Variants in CREB5 observed in about 807,000 individuals in gnomAD.
CREB5 encodes the protein cyclic AMP-responsive element-binding protein 5.
Under a neutral mutation model 57.1 loss-of-function variants are expected in CREB5, and 19 were observed. That is an observed-to-expected ratio of 0.33 (90% CI 0.23 to 0.49). The LOEUF is 0.49. Ranked by LOEUF, CREB5 falls within the 20% of genes least tolerant of loss-of-function variation. The pLI, the probability that CREB5 is intolerant of heterozygous loss-of-function variation, is 0.99. For missense variants in CREB5, 579 were observed against 671.6 expected (o/e 0.86, Z 1.52); for synonymous variants, 238 against 238.3 (o/e 1.00, Z 0.01).
intron 5 of CREB5, among the ~76,000 whole-genome samples, chr7:28,626,491 A>C (rs1010471771): frequency 6.6e-6 from 1 of 152,172 alleles, no homozygotes. Flanking sequence ...TGAGAGGTTA[A>C]GTAACCTGCC....
At position 28,660,381 on chromosome 7, in the gene CREB5, G is replaced by GTTTTTTTT. The variant is rs10696255; in HGVS notation, c.465-58359_465-58352dup. ...CAAACTATCATCTATGCATTCAACA[G>GTTTTTTTT]TTTTTTTTTTTTTTTTTTTTGAGCA... On this transcript the variant is annotated intron_variant, in intron 5 of 10. Transcript: ENST00000357727. 2.4e-4 allele frequency among the ~76,000 whole-genome samples: 29 copies of GTTTTTTTT among 119,246 alleles called. 1 individual carries two copies. The highest frequency in any genetic ancestry group is 9.6e-4 in the African/African-American group (29 of 30,366). The allele number at this position is 119,246 out of a possible 152,430, so 78.2% of individuals were successfully genotyped here. A position where few individuals can be genotyped will look rare whatever the true frequency, so the allele number is the denominator to read the frequency against.
chr7:28,778,954 A>T (rs1317558647), intron 7 of CREB5: 1 of 152,220 alleles, frequency 6.6e-6, no homozygotes, highest in Non-Finnish European at 1.5e-5. Context: ...GTTGTTGTGA[A>T]ATACCCGCCA....
In CREB5 at chr7:28,721,874, C is replaced by G. The variant is rs537132858; in HGVS notation, c.592-2348C>G. Among the ~76,000 whole-genome samples, 18 of 152,334 alleles carry G rather than the reference C, an allele frequency of 1.2e-4. 1 individual carries two copies. In the South Asian group the frequency reaches 3.7e-3, roughly 32 times the overall value. On this transcript the variant is annotated intron_variant, in intron 6 of 10. Coordinates refer to ENST00000357727, the MANE Select transcript of CREB5 (RefSeq NM_182898.4). ...AAAACCTCACTGAACTACAGACAGG[C>G]TAGCTCCTGTTTTCCAGTGTGTGCA...
intron 5 of CREB5, among the ~76,000 whole-genome samples, chr7:28,659,264 A>G (rs2128712061): frequency 6.6e-6 from 1 of 152,208 alleles, no homozygotes; most frequent in South Asian, 2.1e-4. Context: ...TTCCTGTGGC[A>G]CTTCAGAAGA....
Position 28,819,319 on chromosome 7 carries a change from G to A in CREB5, c.*40G>A, listed in dbSNP as rs371474246. On this transcript the variant is annotated 3_prime_UTR_variant, in exon 11 of 11. Coordinates refer to ENST00000357727, the MANE Select transcript of CREB5 (RefSeq NM_182898.4). ...CCTGGCCTCCAAGAAGAGCTGTAGC[G>A]TACCATGCGTCCTTTCTTTTAAGGG... 8.6e-5 allele frequency: 136 copies of A among 1,583,070 alleles called. No individual in the cohort carries two copies. The highest frequency in any genetic ancestry group is 1.1e-4 in the Non-Finnish European group (129 of 1,164,994).
chr7:28,582,862 CTG>C (rs1229326291), intron 5 of CREB5, among the ~76,000 whole-genome samples: 1 of 152,070 alleles, frequency 6.6e-6, no homozygotes, highest in African/African-American at 2.4e-5. Context: ...TCTTGGGAAA[CTG>C]TTTAAATTTC....
intron 1 of CREB5, among the ~76,000 whole-genome samples, chr7:28,421,850 T>G (rs1182848308): frequency 4.0e-5 from 1 of 25,058 alleles, no homozygotes; most frequent in African/African-American, 2.6e-4. Flanking sequence ...ACACACACTC[T>G]CTCTCTCTAT....
At chr7:28,736,090 C>A (rs559461547) in intron 7 of CREB5, among the ~76,000 whole-genome samples, 3 of 152,280 alleles carry the variant, frequency 2.0e-5, no homozygotes, top group African/African-American at 7.2e-5. Flanking sequence ...TGAGCCCCAA[C>A]ACCTGGCCCC....
At chr7:28,344,324 C>T (rs1008906278) in intron 1 of CREB5, among the ~76,000 whole-genome samples, 1 of 152,074 alleles carries the variant, frequency 6.6e-6, no homozygotes, top group Non-Finnish European at 1.5e-5. Flanking sequence ...TTGATTTTTA[C>T]ATATGATGAG....
intron 1 of CREB5, among the ~76,000 whole-genome samples, chr7:28,367,892 C>T (rs924283711): frequency 4.6e-5 from 7 of 152,134 alleles, no homozygotes; most frequent in Non-Finnish European, 7.4e-5. Flanking sequence ...CACTTCTCTT[C>T]GTCACCTTCC....
At chr7:28,567,961 T>C (rs1393663712) in intron 4 of CREB5, among the ~76,000 whole-genome samples, 1 of 152,120 alleles carries the variant, frequency 6.6e-6, no homozygotes, top group Non-Finnish European at 1.5e-5. Context: ...TCACAAATGC[T>C]GTGTGTAATG....
chr7:28,510,844 TTGTTTCCCCTTAGAAAAGCA>T (rs1489445157), intron 4 of CREB5, among the ~76,000 whole-genome samples: 2 of 152,342 alleles, frequency 1.3e-5, no homozygotes, highest in African/African-American at 4.8e-5. Context: ...AATAAGAGAA[TTGTTTCCCCTTAGAAAAGCA>T]TGTTGTAATT....
chr7:28,309,869 A>G (rs1388814191), intron 1 of CREB5, among the ~76,000 whole-genome samples: 1 of 152,102 alleles, frequency 6.6e-6, no homozygotes. Context: ...CACACCTGAC[A>G]TGAGATCATT....
chr7:28,326,885 G>A (rs534899638), intron 1 of CREB5, among the ~76,000 whole-genome samples: 1 of 152,170 alleles, frequency 6.6e-6, no homozygotes, highest in Non-Finnish European at 1.5e-5. Flanking sequence ...GCTCATGCCT[G>A]TAATCCCAGC....
At chr7:28,567,948 A>G (rs768660118) in intron 4 of CREB5, among the ~76,000 whole-genome samples, 18 of 152,276 alleles carry the variant, frequency 1.2e-4, no homozygotes, top group Non-Finnish European at 2.4e-4. Context: ...TGGGAGGGGA[A>G]CCTCACAAAT....
chr7:28,343,549 A>G (rs1785977139), intron 1 of CREB5, among the ~76,000 whole-genome samples: 1 of 150,934 alleles, frequency 6.6e-6, no homozygotes, highest in African/African-American at 2.5e-5. Flanking sequence ...TTAATGGCCA[A>G]ATCATATTCC....
At chr7:28,746,196 A>G (rs1804672712) in intron 7 of CREB5, among the ~76,000 whole-genome samples, 1 of 152,224 alleles carries the variant, frequency 6.6e-6, no homozygotes, top group African/African-American at 2.4e-5. Context: ...AAGTTCCACC[A>G]TTAATATTAG....
At chr7:28,309,778 AG>A (rs1340667768) in intron 1 of CREB5, among the ~76,000 whole-genome samples, 1 of 152,172 alleles carries the variant, frequency 6.6e-6, no homozygotes, top group Non-Finnish European at 1.5e-5. Flanking sequence ...TTCCAGGACA[AG>A]CCACATCATA....
intron 7 of CREB5, among the ~76,000 whole-genome samples, chr7:28,748,721 A>G (rs941936331): frequency 6.6e-6 from 1 of 152,178 alleles, no homozygotes; most frequent in Non-Finnish European, 1.5e-5. Context: ...ACGGCATGCC[A>G]GTGAGGAAAA....
Sources: gnomAD v4.1 joint callset for allele counts (sites outside exome capture counted in the v4.1 genomes callset) on GRCh38, gnomAD v4.1.1 for gene constraint, MANE v1.5 for transcripts, NCBI Gene and HGNC (gene_info 2026-07-23, HGNC 2026-07-21) for gene names.